Variants in CD1B observed in about 807,000 individuals in gnomAD.
CD1B encodes T-cell surface glycoprotein CD1b.
Under a neutral mutation model 39.8 loss-of-function variants are expected in CD1B, and 43 were observed. The ratio of observed to expected loss-of-function variants is 1.08; its 90% CI spans 0.85 to 1.39. The LOEUF (loss-of-function observed/expected upper bound fraction) is 1.39. CD1B is among the 40% of genes most tolerant of loss of function. CD1B has a pLI of 0.00. For missense variants in CD1B, 495 were observed against 403.8 expected, an observed-to-expected ratio of 1.23 and a Z score of -1.94; for synonymous variants, 192 against 152.5, an observed-to-expected ratio of 1.26 and a Z score of -1.91.
chr1:158,287,188 T>C, the CD1B span, among the ~76,000 whole-genome samples: 1 of 152,300 alleles, frequency 6.6e-6, no homozygotes, highest in Non-Finnish European at 1.5e-5. Flanking sequence ...AAAGTCTCCA[T>C]CTGGAAGACT....
chr1:158,326,811 T>A (rs865888883), downstream of CD1B, among the ~76,000 whole-genome samples: 21 of 145,250 alleles, frequency 1.4e-4, no homozygotes, highest in Admixed American at 2.0e-4. Context: ...TATTATTATT[T>A]TTGGAGACAG....
At chr1:158,299,075 G>T in the CD1B span, among the ~76,000 whole-genome samples, 5 of 152,120 alleles carry the variant, frequency 3.3e-5, no homozygotes. Flanking sequence ...GTGAGAGAGG[G>T]CATCCTTGTC....
downstream of CD1B, among the ~76,000 whole-genome samples, chr1:158,325,946 G>C (rs1242326426): frequency 6.6e-6 from 1 of 152,052 alleles, no homozygotes; most frequent in Admixed American, 6.5e-5. Flanking sequence ...ACCTGAATCT[G>C]AGCACATCAC....
chr1:158,292,346 G>T, the CD1B span: 11 of 1,613,862 alleles, frequency 6.8e-6, no homozygotes, highest in African/African-American at 1.3e-5. Context: ...ATGCAGGGAA[G>T]ATGTATGTAC....
chr1:158,331,522 T>C lies in CD1B; in HGVS notation c.-99A>G. 1.1e-6 allele frequency: 1 copy of C among 941,800 alleles called. No individual in the cohort carries two copies. The highest frequency in any genetic ancestry group is 1.7e-6 in the Non-Finnish European group (1 of 592,296). The allele number at this position is 941,800 out of a possible 1,614,324, so 58.3% of individuals were successfully genotyped here. On this transcript the variant is annotated 5_prime_UTR_variant, in exon 1 of 6. Coordinates refer to ENST00000368168, the MANE Select transcript of CD1B (RefSeq NM_001764.3). The stretch of plus-strand genomic sequence containing the variant: ...TACCCTGTAGTGACTTCTTCTCTCT[T>C]CCAACTGCCAAATCTCTTCCTCATC...
downstream of CD1B, among the ~76,000 whole-genome samples, chr1:158,323,752 G>A (rs1462347173): frequency 6.6e-6 from 1 of 152,134 alleles, no homozygotes; most frequent in African/African-American, 2.4e-5. Context: ...AGGGCTGTCA[G>A]GTTGGCATGG....
chr1:158,330,675 A>G (rs772361681), intron 2 of CD1B, 121 bp downstream of exon 2: 21 of 947,832 alleles, frequency 2.2e-5, no homozygotes, highest in African/African-American at 6.4e-5. Context: ...CAAGAAAAGC[A>G]TGTGCGTGCA....
the CD1B span, among the ~76,000 whole-genome samples, chr1:158,296,587 C>T: frequency 5.2e-3 from 794 of 152,242 alleles, 3 homozygotes; most frequent in Non-Finnish European, 8.1e-3. Context: ...AACAATCTTT[C>T]CTAACCAGAC....
the CD1B span, chr1:158,293,543 T>A: frequency 1.2e-6 from 2 of 1,614,070 alleles, no homozygotes; most frequent in East Asian, 2.2e-5. Flanking sequence ...TACAATATAG[T>A]GATGCCATCC....
chr1:158,297,489 G>A, the CD1B span, among the ~76,000 whole-genome samples: 3 of 152,130 alleles, frequency 2.0e-5, no homozygotes, highest in Non-Finnish European at 4.4e-5. Context: ...CCACATAAAT[G>A]CACTTAAGTA....
the CD1B span, among the ~76,000 whole-genome samples, chr1:158,316,934 G>A: frequency 6.6e-6 from 1 of 151,438 alleles, no homozygotes; most frequent in African/African-American, 2.4e-5. Flanking sequence ...TTTTGTCTTT[G>A]GCTCTGTTTA....
intron 3 of CD1B, 61 bp from the exon 4 acceptor site, chr1:158,329,709 T>C (rs1299778292): frequency 6.3e-7 from 1 of 1,585,686 alleles, no homozygotes. Flanking sequence ...GGTTATGAAC[T>C]CAGAAACCTA....
At chr1:158,304,317 C>A in the CD1B span, among the ~76,000 whole-genome samples, 1 of 152,156 alleles carries the variant, frequency 6.6e-6, no homozygotes. Flanking sequence ...CTGGAGGGTC[C>A]TATGCCCACG....
chr1:158,290,066 T>A, the CD1B span: 27 of 1,613,598 alleles, frequency 1.7e-5, no homozygotes, highest in Non-Finnish European at 2.3e-5. Context: ...GCAAATGACA[T>A]GCTGTTTCTG....
the CD1B span, among the ~76,000 whole-genome samples, chr1:158,304,015 G>A: frequency 2.6e-5 from 4 of 152,088 alleles, no homozygotes; most frequent in South Asian, 2.1e-4. Flanking sequence ...CAGCATGAGC[G>A]ACACAGAAGA....
the CD1B span, among the ~76,000 whole-genome samples, chr1:158,310,107 G>A: frequency 6.6e-6 from 1 of 152,094 alleles, no homozygotes; most frequent in African/African-American, 2.4e-5. Flanking sequence ...CATGGTACTA[G>A]TAGAAAAACA....
Position 158,328,184 on chromosome 1 carries a change from T to C in CD1B, c.*52A>G. 7 of 1,446,390 alleles carry C rather than the reference T, an allele frequency of 4.8e-6. No homozygotes were observed. Among genetic ancestry groups the C allele is most frequent in the Non-Finnish European group, 6.8e-6 (7 of 1,034,358 alleles). 89.6% of individuals were successfully genotyped at this position (1,446,390 alleles called of 1,614,324 possible). Reference sequence around the variant, plus strand: ...GATAAGATTGACTTTTGGGCTGATATCTTGGGCTTCTTGGTACTTATTGCG... The same window carrying C: ...GATAAGATTGACTTTTGGGCTGATACCTTGGGCTTCTTGGTACTTATTGCG... On this transcript the variant is annotated 3_prime_UTR_variant, in exon 6 of 6. Coordinates refer to ENST00000368168, the MANE Select transcript of CD1B (RefSeq NM_001764.3).
the CD1B span, chr1:158,291,238 C>A: frequency 1.2e-6 from 2 of 1,614,150 alleles, no homozygotes; most frequent in Non-Finnish European, 8.5e-7. Context: ...GTTGCAGACT[C>A]ATGGCTGGGA....
the CD1B span, among the ~76,000 whole-genome samples, chr1:158,295,456 G>A: frequency 2.5e-4 from 38 of 152,228 alleles, no homozygotes; most frequent in South Asian, 5.2e-3. Context: ...ACAGACATTT[G>A]AGTTGGCAGG....
Sources: gnomAD v4.1 joint callset for allele counts (sites outside exome capture counted in the v4.1 genomes callset) on GRCh38, gnomAD v4.1.1 for gene constraint, MANE v1.5 for transcripts, NCBI Gene and HGNC (gene_info 2026-07-23, HGNC 2026-07-21) for gene names.